The following TRIM42 variants were observed in gnomAD, a reference collection of about 807,000 sequenced individuals.
TRIM42 encodes the protein tripartite motif-containing protein 42.
In TRIM42, 59 loss-of-function variants were observed where a neutral mutation model predicts 64.9. That is an observed-to-expected ratio of 0.91 (90% CI 0.74 to 1.13). TRIM42 has a LOEUF of 1.13. TRIM42 is among the 50% of genes most tolerant of loss of function. TRIM42 has a pLI of 0.00. For missense variants in TRIM42, 878 were observed against 929.5 expected (o/e 0.94, Z 0.72); for synonymous variants, 354 against 346.3 (o/e 1.02, Z -0.25).
Position 140,679,202 on chromosome 3 carries a change from T to A in TRIM42, c.341+632T>A, listed in dbSNP as rs949810532. ...AAAAGAAAGAACTTCTATGGGGCACTTTTGACCCTGCGGACCATATAAATA... is the reference window on the plus strand; with the variant it reads ...AAAAGAAAGAACTTCTATGGGGCACATTTGACCCTGCGGACCATATAAATA... On this transcript the variant is annotated intron_variant, in intron 1 of 4. Coordinates refer to ENST00000286349, the MANE Select transcript of TRIM42 (RefSeq NM_152616.5). Among the ~76,000 whole-genome samples the A allele has an allele frequency of 3.2e-4, 49 of 152,336 alleles. No individual in the cohort carries two copies. In the Middle Eastern group the frequency reaches 0.017, roughly 53 times the overall value.
intron 1 of TRIM42, among the ~76,000 whole-genome samples, chr3:140,680,363 C>A (rs555102181): frequency 6.6e-6 from 1 of 152,122 alleles, no homozygotes; most frequent in Admixed American, 6.5e-5. Flanking sequence ...CTCATTCATC[C>A]CTCTCCATCT....
At chr3:140,690,863 C>T (rs1222904657) in intron 3 of TRIM42, 105 bp from the exon 4 acceptor site, 8 of 861,256 alleles carry the variant, frequency 9.3e-6, no homozygotes, top group Non-Finnish European at 1.3e-5. Flanking sequence ...GGGATGGGGT[C>T]AGCTTAAACT....
At position 140,687,785 on chromosome 3, in the gene TRIM42, A is replaced by G; in HGVS notation, c.1103A>G (p.Asp368Gly). ...ATCTTAAAAAACAGCTTTAAAGCTG[A>G]CAAGGAGGCAAAGCGAAAAGAGATC... ...FNILKNSFKA[D>G]KEAKRKEIRN... The change falls in exon 3 of 5, where the codon GAC becomes GGC. Residue 368 changes from aspartate to glycine, a missense_variant. Physicochemically the swap from Asp to Gly is moderately conservative, Grantham distance 94. Coordinates refer to ENST00000286349, the MANE Select transcript of TRIM42 (RefSeq NM_152616.5). The G allele has an allele frequency of 6.2e-7, 1 of 1,614,220 alleles. No individual in the cohort carries two copies. The highest frequency in any genetic ancestry group is 8.5e-7 in the Non-Finnish European group (1 of 1,180,040).
intron 1 of TRIM42, chr3:140,680,811 C>T (rs1988371166): frequency 2.1e-6 from 1 of 476,650 alleles, no homozygotes; most frequent in Non-Finnish European, 2.7e-6. Context: ...TCTGTCACCA[C>T]AGGGCCACTC....
chr3:140,697,670 T>G (rs1341573876), intron 4 of TRIM42, among the ~76,000 whole-genome samples: 1 of 149,728 alleles, frequency 6.7e-6, no homozygotes, highest in Non-Finnish European at 1.5e-5. Context: ...GGTTTTTTTG[T>G]TTATTTGTTT....
chr3:140,690,894 T>C, intron 3 of TRIM42, 74 bp from the exon 4 acceptor site: 1 of 1,276,590 alleles, frequency 7.8e-7, no homozygotes. Context: ...ATAGTCAACA[T>C]CACAAATCTT....
At chr3:140,690,520 C>A (rs1988676134) in intron 3 of TRIM42, among the ~76,000 whole-genome samples, 1 of 110,244 alleles carries the variant, frequency 9.1e-6, no homozygotes, top group Non-Finnish European at 1.8e-5. Flanking sequence ...CTACTTAATC[C>A]AAGTTTTTAT....
intron 4 of TRIM42, among the ~76,000 whole-genome samples, chr3:140,692,488 C>T (rs1335049637): frequency 1.3e-5 from 2 of 150,340 alleles, no homozygotes; most frequent in Non-Finnish European, 3.0e-5. Flanking sequence ...CATGCTTTAC[C>T]TCATAGAGTC....
intron 4 of TRIM42, 149 bp downstream of exon 4, chr3:140,691,341 G>T: frequency 1.4e-6 from 1 of 698,888 alleles, no homozygotes; most frequent in Non-Finnish European, 2.4e-6. Context: ...CCAAAGAGAG[G>T]GCTGCTGGCC....
intron 4 of TRIM42, among the ~76,000 whole-genome samples, chr3:140,692,530 TACACACACACAC>T (rs1553763786): frequency 1.8e-5 from 2 of 108,522 alleles, no homozygotes; most frequent in South Asian, 3.5e-4. Flanking sequence ...CACATACACA[TACACACACACAC>T]ACACACACAC....
At chr3:140,680,175 C>A (rs559056907) in intron 1 of TRIM42, among the ~76,000 whole-genome samples, 117 of 152,176 alleles carry the variant, frequency 7.7e-4, no homozygotes, top group Non-Finnish European at 1.4e-3. Context: ...CCACTGAATG[C>A]CCCGTCCAAG....
intron 4 of TRIM42, among the ~76,000 whole-genome samples, chr3:140,697,407 T>A (rs144968847): frequency 4.6e-5 from 7 of 152,328 alleles, no homozygotes; most frequent in African/African-American, 1.7e-4. Context: ...ATTTAAAAAG[T>A]CTTTTCTTAG....
intron 4 of TRIM42, among the ~76,000 whole-genome samples, chr3:140,696,752 G>C (rs1347993236): frequency 1.3e-5 from 2 of 152,116 alleles, no homozygotes; most frequent in Non-Finnish European, 2.9e-5. Flanking sequence ...ATACCTCTCT[G>C]TGTTTAAATT....
rs776166539 is a variant in TRIM42, at chr3:140,688,532, G to C, written c.1850G>C (p.Arg617Thr). Residue 617 changes from arginine to threonine, a missense_variant, in exon 3 of 5, where the codon AGA becomes ACA. Arg to Thr is a moderately conservative substitution (Grantham distance 71). Coordinates refer to ENST00000286349, the MANE Select transcript of TRIM42 (RefSeq NM_152616.5). ...IVIYQTLVYP[R>T]AAKVYWTCPA... ...ATCTACCAGACTCTGGTGTACCCAA[G>C]AGCTGCCAAGGTAAGAAAGGTTCTG... The C allele has an allele frequency of 2.5e-6, 4 of 1,607,356 alleles. No individual in the cohort carries two copies. Among genetic ancestry groups the C allele is most frequent in the African/African-American group, 1.3e-5 (1 of 74,770 alleles).
intron 4 of TRIM42, among the ~76,000 whole-genome samples, chr3:140,695,244 T>C (rs749370417): frequency 2.6e-5 from 4 of 151,936 alleles, no homozygotes; most frequent in Non-Finnish European, 5.9e-5. Context: ...TGAGACTCCA[T>C]GTCAAAAAAA....
chr3:140,688,009 C>T lies in TRIM42; in HGVS notation c.1327C>T (p.Leu443=). ...ALKETGQVAF[L]QSAKILVDQI... ...GAAGGAGACTGGCCAGGTGGCATTC[C>T]TGCAGTCAGCCAAGATCCTGGTGGA... Residue 443 remains leucine (L), a synonymous_variant, in exon 3 of 5, where the codon CTG becomes TTG. Coordinates refer to ENST00000286349, the MANE Select transcript of TRIM42 (RefSeq NM_152616.5). 1 of 1,614,192 alleles carries T rather than the reference C, an allele frequency of 6.2e-7. No homozygotes were observed. Among genetic ancestry groups the T allele is most frequent in the Non-Finnish European group, 8.5e-7 (1 of 1,180,028 alleles).
chr3:140,682,983 A>G lies in TRIM42; in HGVS notation c.863A>G (p.Lys288Arg), dbSNP rs116790425. 82 of 1,614,228 alleles carry G rather than the reference A, an allele frequency of 5.1e-5. No individual in the cohort carries two copies. The African/African-American group carries it at 9.9e-4, about 19-fold the overall frequency. Residue 288 changes from lysine to arginine, a missense_variant, in exon 2 of 5, where the codon AAG (lysine) becomes AGG (arginine). Physicochemically the swap from Lys to Arg is conservative, Grantham distance 26. Transcript: ENST00000286349. ...ACCAGCGCCGAGGAACAGGACGAGA[A>G]GATCTGCATCCACCACCCATCCAGC... ...VDTSAEEQDE[K>R]ICIHHPSSRI...
At chr3:140,699,189 T>A (rs1988931257) in intron 4 of TRIM42, among the ~76,000 whole-genome samples, 1 of 152,232 alleles carries the variant, frequency 6.6e-6, no homozygotes. Context: ...AAATCCTGTG[T>A]GTTCATGATG....
Position 140,691,038 on chromosome 3 carries a change from C to T in TRIM42, c.1931C>T (p.Pro644Leu), listed in dbSNP as rs753921625. Residue 644 changes from proline to leucine, a missense_variant, in exon 4 of 5, where the codon CCT (proline) becomes CTT (leucine). Transcript: ENST00000286349. ...GAATTCTATGAAGTCATTACTTCTC[C>T]TCCTAACAACGTACAAATGGAGCTC... ...EMEFYEVITS[P>L]PNNVQMELCG... 1.2e-6 allele frequency: 2 copies of T among 1,614,078 alleles called. No homozygotes were observed.
Sources: gnomAD v4.1 joint callset for allele counts (sites outside exome capture counted in the v4.1 genomes callset) on GRCh38, gnomAD v4.1.1 for gene constraint, MANE v1.5 for transcripts, NCBI Gene and HGNC (gene_info 2026-07-23, HGNC 2026-07-21) for gene names.